Variants in KIRREL1 observed in about 807,000 individuals in gnomAD.
KIRREL1 encodes kin of IRRE-like protein 1.
KIRREL1 carries 25 observed loss-of-function variants against 83.3 expected under a neutral mutation model. The observed-to-expected ratio is 0.30, with a 90% CI of 0.22 to 0.42. The LOEUF (loss-of-function observed/expected upper bound fraction) is 0.42, where lower values mean the gene tolerates loss of function less well. KIRREL1 is among the 10% of genes least tolerant of loss of function. The probability of loss-of-function intolerance (pLI) is 1.00; values close to 1 mark genes in which losing one functional copy is unlikely to be tolerated. For synonymous variants in KIRREL1, 388 were observed against 410.4 expected, an observed-to-expected ratio of 0.95 and a Z score of 0.66; for missense variants, 812 against 1,032.3, an observed-to-expected ratio of 0.79 and a Z score of 2.92.
At chr1:158,056,869 C>T (rs542305086) in intron 1 of KIRREL1, among the ~76,000 whole-genome samples, 59 of 152,270 alleles carry the variant, frequency 3.9e-4, no homozygotes, top group African/African-American at 1.4e-3. Context: ...CATGTGCCTA[C>T]TCCTTGGTGC....
At chr1:158,000,872 T>A (rs1659342195) in intron 1 of KIRREL1, among the ~76,000 whole-genome samples, 1 of 152,168 alleles carries the variant, frequency 6.6e-6, no homozygotes, top group Non-Finnish European at 1.5e-5. Flanking sequence ...GGTAGAAATC[T>A]CCAGAACTCT....
intron 1 of KIRREL1, among the ~76,000 whole-genome samples, chr1:158,037,995 G>C (rs1035258976): frequency 6.6e-6 from 1 of 152,188 alleles, no homozygotes; most frequent in Non-Finnish European, 1.5e-5. Flanking sequence ...AGCTAGACTC[G>C]GGGCAGGACC....
Position 158,094,941 on chromosome 1 carries a change from G to T in KIRREL1, c.2095G>T (p.Ala699Ser). ...KFNSHPFPGA[A>S]GYPTYRLGYP... ...CAACTCCCATCCCTTCCCTGGGGCA[G>T]CTGGGTACCCCACCTACCGACTGGG... Residue 699 changes from alanine (A) to serine (S), a missense_variant, in exon 15 of 15, where the codon GCT (alanine) becomes TCT (serine). Physicochemically the swap from Ala to Ser is moderately conservative, Grantham distance 99. Transcript: ENST00000359209. This position sits in a 1 kb window ranked among gnomAD's most constrained non-coding sequence, Gnocchi z 4.6. 2 of 1,614,004 alleles carry T rather than the reference G, an allele frequency of 1.2e-6. No homozygotes were observed. Among genetic ancestry groups the T allele is most frequent in the Non-Finnish European group, 1.7e-6 (2 of 1,179,986 alleles).
intron 1 of KIRREL1, among the ~76,000 whole-genome samples, chr1:158,075,299 G>T (rs1661645355): frequency 6.6e-6 from 1 of 152,254 alleles, no homozygotes; most frequent in African/African-American, 2.4e-5. Flanking sequence ...CAGCCGGGCA[G>T]CCATGTGTAG....
chr1:158,096,986 C>CA lies in KIRREL1; in HGVS notation c.*1866_*1867insA. On this transcript the variant is annotated 3_prime_UTR_variant, in exon 15 of 15. Transcript: ENST00000359209. ...TCTGGGGGGCGACATTCCTGGCCAA[C>CA]CCCTTGTAGGAAGGACCAGATAATA... 1 of 456,884 alleles carries CA rather than the reference C, an allele frequency of 2.2e-6. No homozygotes were observed. Among genetic ancestry groups the CA allele is most frequent in the Middle Eastern group, 3.2e-4 (1 of 3,080 alleles). The allele number at this position is 456,884 out of a possible 1,614,324, so 28.3% of individuals were successfully genotyped here.
intron 1 of KIRREL1, among the ~76,000 whole-genome samples, chr1:158,059,541 C>T (rs1661155238): frequency 6.6e-6 from 1 of 152,104 alleles, no homozygotes; most frequent in South Asian, 2.1e-4. Context: ...ACTGAGGGCC[C>T]TCATCTCTCC....
intron 1 of KIRREL1, among the ~76,000 whole-genome samples, chr1:158,008,795 T>C (rs1659590865): frequency 6.6e-6 from 1 of 152,206 alleles, no homozygotes; most frequent in African/African-American, 2.4e-5. Context: ...AGAGCGCCTG[T>C]CATTTGTTCG....
chr1:158,042,909 TAAA>T (rs34934306), intron 1 of KIRREL1, among the ~76,000 whole-genome samples: 1 of 121,968 alleles, frequency 8.2e-6, no homozygotes, highest in African/African-American at 3.1e-5. Context: ...CCGTCTCTAC[TAAA>T]AAAAAAAAAA....
intron 1 of KIRREL1, among the ~76,000 whole-genome samples, chr1:158,038,656 A>C (rs1234705072): frequency 6.6e-6 from 1 of 151,920 alleles, no homozygotes; most frequent in Non-Finnish European, 1.5e-5. Flanking sequence ...AATGCTTCCT[A>C]GTGTGTGGTA....
intron 4 of KIRREL1, 128 bp from the exon 5 acceptor site, chr1:158,086,468 A>G: frequency 1.3e-6 from 1 of 766,450 alleles, no homozygotes; most frequent in Non-Finnish European, 2.1e-6. Flanking sequence ...AGGTTGTGGG[A>G]GTGAAGGGGA....
intron 3 of KIRREL1, 96 bp from the exon 4 acceptor site, chr1:158,084,326 A>G (rs893681465): frequency 2.4e-6 from 3 of 1,232,626 alleles, no homozygotes; most frequent in African/African-American, 1.5e-5. Context: ...AGAGGCGCAC[A>G]TGCAGGTGGA....
intron 1 of KIRREL1, among the ~76,000 whole-genome samples, chr1:158,011,941 GTTTC>G (rs1443493210): frequency 1.3e-5 from 2 of 152,008 alleles, no homozygotes; most frequent in Non-Finnish European, 1.5e-5. Context: ...TGAGCTCTCA[GTTTC>G]TTTCTCCATC....
intron 1 of KIRREL1, among the ~76,000 whole-genome samples, chr1:158,001,421 G>T (rs1247876204): frequency 6.6e-6 from 1 of 152,116 alleles, no homozygotes; most frequent in African/African-American, 2.4e-5. Flanking sequence ...AAACATACTG[G>T]TAGGCATTAT....
chr1:158,080,965 T>A (rs1352318810), intron 3 of KIRREL1, among the ~76,000 whole-genome samples: 1 of 144,836 alleles, frequency 6.9e-6, no homozygotes, highest in Non-Finnish European at 1.6e-5. Context: ...GTGCCTGGTA[T>A]CAGCCTCCCT....
At chr1:158,077,865 C>G (rs900947527) in intron 2 of KIRREL1, 126 bp from the exon 3 acceptor site, 250 of 1,094,932 alleles carry the variant, frequency 2.3e-4, no homozygotes, top group Non-Finnish European at 3.1e-4. Flanking sequence ...GTGTCTGTGT[C>G]TGGGGCCTCA....
rs1186497279 is a variant in KIRREL1, at chr1:158,100,183, A to AT, written c.*5064dup. On this transcript the variant is annotated 3_prime_UTR_variant, in exon 15 of 15. Coordinates refer to ENST00000359209, the MANE Select transcript of KIRREL1 (RefSeq NM_018240.7). The stretch of plus-strand genomic sequence containing the variant: ...CCTTTTTTTAAAAATATTATGTACT[A>AT]TATTTTTAGTCTCAAACACACTATA... 6.7e-6 allele frequency: 1 copy of AT among 149,792 alleles called. No homozygotes were observed. Among genetic ancestry groups the AT allele is most frequent in the African/African-American group, 2.4e-5 (1 of 41,022 alleles). 9.3% of individuals were successfully genotyped at this position (149,792 alleles called of 1,614,324 possible).
chr1:158,041,743 G>C (rs1428095345), intron 1 of KIRREL1, among the ~76,000 whole-genome samples: 2 of 152,212 alleles, frequency 1.3e-5, no homozygotes, highest in East Asian at 3.9e-4. Flanking sequence ...CTGTGTGCGT[G>C]ATGGTGAACA....
At chr1:158,046,183 T>C (rs956593876) in intron 1 of KIRREL1, among the ~76,000 whole-genome samples, 5 of 152,188 alleles carry the variant, frequency 3.3e-5, no homozygotes, top group East Asian at 1.9e-4. Context: ...TTGGGCACCA[T>C]TGGCATGCCT....
chr1:158,009,472 C>T (rs1659609123), intron 1 of KIRREL1, among the ~76,000 whole-genome samples: 1 of 152,182 alleles, frequency 6.6e-6, no homozygotes, highest in Admixed American at 6.5e-5. Context: ...GTTGTTACTA[C>T]TACCATTATT....
Sources: gnomAD v4.1 joint callset for allele counts (sites outside exome capture counted in the v4.1 genomes callset) on GRCh38, gnomAD v4.1.1 for gene constraint, Gnocchi (gnomAD v3.1) non-coding constraint, MANE v1.5 for transcripts, NCBI Gene and HGNC (gene_info 2026-07-23, HGNC 2026-07-21) for gene names.